UBE4B: variants seen among roughly 807,000 people sequenced by gnomAD.
UBE4B encodes ubiquitination factor E4B.
In UBE4B, 27 loss-of-function variants were observed where a neutral mutation model predicts 148.1. The observed-to-expected ratio is 0.18, with a 90% confidence interval of 0.13 to 0.25. The LOEUF (loss-of-function observed/expected upper bound fraction) is 0.25. UBE4B is among the 10% of genes least tolerant of loss of function. The pLI is 1.00. For synonymous variants in UBE4B, 596 were observed against 619.3 expected (o/e 0.96, Z 0.56); for missense variants, 1,170 against 1,662.4 (o/e 0.70, Z 5.15).
chr1:10,136,458 CTA>C (rs1392793334), intron 16 of UBE4B, among the ~76,000 whole-genome samples: 2 of 143,392 alleles, frequency 1.4e-5, no homozygotes, highest in Non-Finnish European at 3.0e-5. Flanking sequence ...CTAGGTGACA[CTA>C]GGTGACAGAG....
At chr1:10,103,407 A>C (rs867717393) in intron 5 of UBE4B, among the ~76,000 whole-genome samples, 2,244 of 64,528 alleles carry the variant, frequency 0.035, 55 homozygotes, top group Admixed American at 0.12. Flanking sequence ...CTCTTTATTT[A>C]TTTATTTATT....
intron 9 of UBE4B, 50 bp downstream of exon 9, chr1:10,119,663 C>A: frequency 6.5e-7 from 1 of 1,538,872 alleles, no homozygotes; most frequent in South Asian, 1.1e-5. Context: ...GAGCCCTAGC[C>A]GTCAGTGGAC....
chr1:10,065,338 G>A (rs746719344), intron 1 of UBE4B, among the ~76,000 whole-genome samples: 10 of 152,264 alleles, frequency 6.6e-5, no homozygotes, highest in Non-Finnish European at 1.5e-5. Context: ...GGGGCAAGTG[G>A]CGGGAGGAGC....
intron 2 of UBE4B, among the ~76,000 whole-genome samples, chr1:10,089,985 A>G (rs1644819660): frequency 1.3e-5 from 2 of 152,138 alleles, no homozygotes; most frequent in South Asian, 2.1e-4. Context: ...ATGAGCCACC[A>G]TGCCTGGTTG....
intron 7 of UBE4B, among the ~76,000 whole-genome samples, chr1:10,109,198 G>A (rs1217017661): frequency 6.6e-6 from 1 of 152,136 alleles, no homozygotes; most frequent in Non-Finnish European, 1.5e-5. Flanking sequence ...GGAAGTGGCA[G>A]GGGGAACGGG....
At chr1:10,075,414 C>T (rs1246016303) in intron 2 of UBE4B, among the ~76,000 whole-genome samples, 1 of 152,204 alleles carries the variant, frequency 6.6e-6, no homozygotes, top group African/African-American at 2.4e-5. Context: ...GAACAGCCTC[C>T]TAACTGGTCA....
chr1:10,179,775 C>G, intron 27 of UBE4B, 120 bp from the exon 28 acceptor site: 1 of 1,414,720 alleles, frequency 7.1e-7, no homozygotes. Context: ...CTTCTGGAGT[C>G]TTCGGCTCAA....
Position 10,117,070 on chromosome 1 carries a change from C to G in UBE4B, c.1197-389C>G, listed in dbSNP as rs117663899. Among the ~76,000 whole-genome samples the G allele has an allele frequency of 2.6e-5, 4 of 152,270 alleles. No individual in the cohort carries two copies. In the East Asian group the frequency reaches 5.8e-4, roughly 22 times the overall value. On this transcript the variant is annotated intron_variant, in intron 7 of 27. Transcript: ENST00000343090. ...GGGCTATTTTGTCAGTCCCTTATAA[C>G]TTTTCCCCCAAAGAGTTTGATTACA...
intron 25 of UBE4B, among the ~76,000 whole-genome samples, chr1:10,177,476 C>T (rs1646445262): frequency 6.6e-6 from 1 of 151,940 alleles, no homozygotes; most frequent in South Asian, 2.1e-4. Context: ...GGTGACAAAG[C>T]GAGACTCCGT....
intron 1 of UBE4B, among the ~76,000 whole-genome samples, chr1:10,060,897 C>T (rs1644271836): frequency 6.6e-6 from 1 of 152,056 alleles, no homozygotes; most frequent in African/African-American, 2.4e-5. Context: ...GCACGTGCCA[C>T]CATGCCCAGC....
intron 1 of UBE4B, among the ~76,000 whole-genome samples, chr1:10,042,672 C>A (rs1169077161): frequency 1.3e-5 from 2 of 152,102 alleles, no homozygotes; most frequent in Non-Finnish European, 2.9e-5. Context: ...AACAAACAAA[C>A]ATGTTCACAT....
chr1:10,091,862 C>T (rs1644853372), intron 2 of UBE4B, among the ~76,000 whole-genome samples: 1 of 152,100 alleles, frequency 6.6e-6, no homozygotes, highest in African/African-American at 2.4e-5. Flanking sequence ...GTCTTGGCCT[C>T]TCAAAAGTGC....
At chr1:10,035,466 A>G (rs1259022310) in intron 1 of UBE4B, among the ~76,000 whole-genome samples, 4 of 107,850 alleles carry the variant, frequency 3.7e-5, no homozygotes, top group Admixed American at 1.3e-4. Flanking sequence ...GCGCTATCTC[A>G]GCTCACTGCA....
chr1:10,044,472 G>A (rs1279042367), intron 1 of UBE4B, among the ~76,000 whole-genome samples: 3 of 152,168 alleles, frequency 2.0e-5, no homozygotes, highest in African/African-American at 7.2e-5. Flanking sequence ...GTGGTGGTGG[G>A]AGGGGAAGGG....
intron 3 of UBE4B, among the ~76,000 whole-genome samples, chr1:10,097,337 T>C (rs996663771): frequency 1.7e-4 from 26 of 152,036 alleles, no homozygotes; most frequent in Non-Finnish European, 3.8e-4. Context: ...AATGCAGATG[T>C]TCAGCTTTAA....
At chr1:10,080,163 TG>T (rs892552134) in intron 2 of UBE4B, among the ~76,000 whole-genome samples, 4 of 152,154 alleles carry the variant, frequency 2.6e-5, no homozygotes, top group African/African-American at 7.2e-5. Context: ...GGCTCACGCC[TG>T]TAATCCCAGC....
In UBE4B at chr1:10,168,270, G is replaced by T; in HGVS notation, c.3333G>T (p.Pro1111=). The T allele has an allele frequency of 6.2e-7, 1 of 1,613,764 alleles. No homozygotes were observed. Among genetic ancestry groups the T allele is most frequent in the Non-Finnish European group, 8.5e-7 (1 of 1,179,856 alleles). ...TKQVQKPFLR[P]ELGPRLAAML... Reference sequence around the variant, plus strand: ...AGGTCCAGAAGCCCTTCCTCAGACCGGTGAGTAGAAACCCGGGGCTCTGTT... The same window carrying T: ...AGGTCCAGAAGCCCTTCCTCAGACCTGTGAGTAGAAACCCGGGGCTCTGTT... Residue 1111 remains proline (P), a splice_region_variant and synonymous_variant, in exon 24 of 28, where the codon CCG becomes CCT. Transcript: ENST00000343090. The surrounding 1 kb of genome is among the most constrained non-coding windows in gnomAD (Gnocchi z 4.9).
intron 25 of UBE4B, among the ~76,000 whole-genome samples, chr1:10,174,804 G>A (rs527471512): frequency 2.0e-5 from 3 of 152,082 alleles, no homozygotes; most frequent in African/African-American, 7.2e-5. Flanking sequence ...AGCTGATTAG[G>A]GGCCTGCTTA....
intron 1 of UBE4B, among the ~76,000 whole-genome samples, chr1:10,037,212 C>T (rs1000805461): frequency 1.3e-5 from 2 of 151,974 alleles, no homozygotes; most frequent in Non-Finnish European, 2.9e-5. Flanking sequence ...TTTTTAGTAG[C>T]GACGGGGTTT....
Sources: allele counts gnomAD v4.1 joint callset (sites outside exome capture counted in the v4.1 genomes callset), GRCh38; gene constraint gnomAD v4.1.1; non-coding constraint Gnocchi (gnomAD v3.1); transcripts MANE v1.5; gene names NCBI Gene and HGNC (gene_info 2026-07-23, HGNC 2026-07-21).